The following NSD1 variants were observed in gnomAD, a reference collection of about 807,000 sequenced individuals.
The protein encoded by NSD1 is histone-lysine N-methyltransferase, H3 lysine-36 specific.
A neutral mutation model predicts 242.7 loss-of-function variants in NSD1; 26 were observed. That is an observed-to-expected ratio of 0.11 (90% CI 0.08 to 0.15). The LOEUF is 0.15. Among genes scored for constraint, NSD1 ranks in the 10% least tolerant of loss-of-function variants. NSD1 has a pLI of 1.00. For synonymous variants in NSD1, 1,106 were observed against 1,178.1 expected, an observed-to-expected ratio of 0.94 and a Z score of 1.25; for missense variants, 2,495 against 3,272.8, an observed-to-expected ratio of 0.76 and a Z score of 5.80.
chr5:177,216,333 G>A (rs1763768942), intron 5 of NSD1, among the ~76,000 whole-genome samples: 1 of 151,790 alleles, frequency 6.6e-6, no homozygotes, highest in African/African-American at 2.4e-5. Context: ...AAGTTAATGT[G>A]ATTTTTTTTT....
intron 5 of NSD1, among the ~76,000 whole-genome samples, chr5:177,218,063 C>T (rs1454209069): frequency 1.3e-5 from 2 of 152,044 alleles, no homozygotes; most frequent in African/African-American, 4.8e-5. Context: ...CAGCCATGCA[C>T]CACCATACTC....
chr5:177,158,285 C>CTTTTCT (rs1422854328), intron 2 of NSD1, among the ~76,000 whole-genome samples: 2 of 90,840 alleles, frequency 2.2e-5, no homozygotes, highest in Non-Finnish European at 4.1e-5. Flanking sequence ...TTCTTTCTTT[C>CTTTTCT]TTTCTTTCTT....
chr5:177,164,698 T>A (rs1268598722), intron 2 of NSD1, among the ~76,000 whole-genome samples: 1 of 152,046 alleles, frequency 6.6e-6, no homozygotes, highest in Admixed American at 6.6e-5. Flanking sequence ...TTCCAGCACT[T>A]TGGGAGGCCA....
At chr5:177,274,520 G>C (rs1758197756) in intron 17 of NSD1, among the ~76,000 whole-genome samples, 1 of 152,138 alleles carries the variant, frequency 6.6e-6, no homozygotes, top group African/African-American at 2.4e-5. Flanking sequence ...CTTTTTATCA[G>C]ATAAGTTAGT....
At chr5:177,216,305 G>C (rs1211841611) in intron 5 of NSD1, among the ~76,000 whole-genome samples, 1 of 151,920 alleles carries the variant, frequency 6.6e-6, no homozygotes, top group Non-Finnish European at 1.5e-5. Context: ...TCTGTTGACT[G>C]TTTTCTTTGC....
At chr5:177,262,699 C>T (rs1306625779) in intron 14 of NSD1, among the ~76,000 whole-genome samples, 4 of 152,272 alleles carry the variant, frequency 2.6e-5, no homozygotes, top group African/African-American at 7.2e-5. Context: ...GCCAACATGG[C>T]GAAACCCCAT....
chr5:177,156,174 A>ATTT (rs34417228), intron 2 of NSD1, among the ~76,000 whole-genome samples: 1,275 of 78,020 alleles, frequency 0.016, 74 homozygotes, highest in African/African-American at 0.035. Context: ...CTCTTTTCAG[A>ATTT]TTTTTTTTTT....
chr5:177,212,471 CTCTT>C (rs1391619327), intron 5 of NSD1, among the ~76,000 whole-genome samples: 1 of 144,294 alleles, frequency 6.9e-6, no homozygotes, highest in Non-Finnish European at 1.5e-5. Context: ...TTCTCTCTCT[CTCTT>C]TCTCTCTCTC....
Position 177,246,767 on chromosome 5 carries a change from G to T in NSD1, c.4468G>T (p.Asp1490Tyr). 3 of 1,613,670 alleles carry T rather than the reference G, an allele frequency of 1.9e-6. No homozygotes were observed. The South Asian group carries it at 3.3e-5, about 18-fold the overall frequency. The change falls in exon 10 of 23, where the codon GAC (aspartate) becomes TAC (tyrosine). Residue 1490 changes from aspartate to tyrosine, a missense_variant. Coordinates refer to ENST00000439151, the MANE Select transcript of NSD1 (RefSeq NM_022455.5). The stretch of plus-strand genomic sequence containing the variant: ...GCAGTGTAAAAAAGTGAAAAATGAT[G>T]ACTCGTCAAAAGAGATTCCAGGCTC... ...KMQCKKVKNDDSSKEIPGSEG... is the reference protein window; with the variant it reads ...KMQCKKVKNDYSSKEIPGSEG...
upstream of NSD1, among the ~76,000 whole-genome samples, chr5:177,132,135 AGGCCGAGG>A (rs986243215): frequency 2.6e-5 from 4 of 152,104 alleles, no homozygotes; most frequent in African/African-American, 9.7e-5. This position sits in a 1 kb window ranked among gnomAD's most constrained non-coding sequence, Gnocchi z 7.5. Context: ...GTGAGGCCCC[AGGCCGAGG>A]GCTGCGCCAG....
intron 4 of NSD1, among the ~76,000 whole-genome samples, chr5:177,205,694 C>G (rs1410223553): frequency 6.6e-6 from 1 of 152,036 alleles, no homozygotes; most frequent in Non-Finnish European, 1.5e-5. Flanking sequence ...TTGTCCTTCT[C>G]CCATCACTGT....
At chr5:177,142,310 T>TA (rs199674305) in intron 2 of NSD1, among the ~76,000 whole-genome samples, 1 of 151,826 alleles carries the variant, frequency 6.6e-6, no homozygotes, top group East Asian at 1.9e-4. Context: ...TAATAAAAAA[T>TA]AAAAAAATTA....
intron 12 of NSD1, among the ~76,000 whole-genome samples, chr5:177,255,489 G>A (rs1432948292): frequency 6.6e-6 from 1 of 152,160 alleles, no homozygotes; most frequent in Non-Finnish European, 1.5e-5. Context: ...GTTGAGGTCT[G>A]TTTACCTGTC....
chr5:177,154,551 C>T lies in NSD1; in HGVS notation c.927+18521C>T, dbSNP rs185728444. Reference sequence around the variant, plus strand: ...CTCTGTGCCATGTTTGCTCAGGTAACGCACCTCCAATTCTTGTGCTTTCCC... The same window carrying T: ...CTCTGTGCCATGTTTGCTCAGGTAATGCACCTCCAATTCTTGTGCTTTCCC... On this transcript the variant is annotated intron_variant, in intron 2 of 22. Transcript: ENST00000439151. Among the ~76,000 whole-genome samples the T allele has an allele frequency of 3.2e-3, 490 of 152,224 alleles. 3 individuals carry two copies. The highest frequency in any genetic ancestry group is 0.011 in the African/African-American group (453 of 41,536).
chr5:177,219,099 G>A (rs927022189), intron 5 of NSD1, among the ~76,000 whole-genome samples: 2 of 151,704 alleles, frequency 1.3e-5, no homozygotes, highest in Non-Finnish European at 2.9e-5. Context: ...GTAAATTTAG[G>A]TTGTTGAGTT....
intron 2 of NSD1, among the ~76,000 whole-genome samples, chr5:177,159,022 A>ATATATATG (rs1215294756): frequency 1.2e-4 from 14 of 121,424 alleles, no homozygotes; most frequent in Non-Finnish European, 2.0e-4. Context: ...ATATATATAT[A>ATATATATG]TATGAATGAT....
At chr5:177,258,575 G>T (rs1756726415) in intron 13 of NSD1, among the ~76,000 whole-genome samples, 1 of 149,464 alleles carries the variant, frequency 6.7e-6, no homozygotes, top group African/African-American at 2.5e-5. Flanking sequence ...CACTTTTGTT[G>T]CCCAGGCTGG....
chr5:177,181,436 T>TTG (rs1760675210), intron 2 of NSD1, among the ~76,000 whole-genome samples: 1 of 145,834 alleles, frequency 6.9e-6, no homozygotes, highest in Non-Finnish European at 1.5e-5. Flanking sequence ...GGTTTTTTTT[T>TTG]TTTTTTTTTG....
intron 2 of NSD1, among the ~76,000 whole-genome samples, chr5:177,153,644 T>G (rs1393134009): frequency 4.6e-5 from 7 of 152,178 alleles, no homozygotes; most frequent in Non-Finnish European, 2.9e-5. Flanking sequence ...AGTCAAAGTT[T>G]CATTTATTAT....
Sources: allele counts gnomAD v4.1 joint callset (sites outside exome capture counted in the v4.1 genomes callset), GRCh38; gene constraint gnomAD v4.1.1; non-coding constraint Gnocchi (gnomAD v3.1); transcripts MANE v1.5; gene names NCBI Gene and HGNC (gene_info 2026-07-23, HGNC 2026-07-21).